The following YWHAZ variants were observed in gnomAD, a reference collection of about 807,000 sequenced individuals.
YWHAZ encodes the protein 14-3-3 protein zeta/delta.
For missense variants in YWHAZ, 79 were observed against 284.8 expected, an observed-to-expected ratio of 0.28 and a Z score of 5.20; for synonymous variants, 87 against 103.6, an observed-to-expected ratio of 0.84 and a Z score of 0.97.
At chr8:100,950,632 G>A in intron 1 of YWHAZ, 1 of 971,076 alleles carries the variant, frequency 1.0e-6, no homozygotes. Context: ...AGAGGGAGGA[G>A]CAGCCCGCGC....
rs1164247156 is a variant in YWHAZ at position 100,918,953 on chromosome 8, G to A, written c.*1740C>T. The A allele has an allele frequency of 1.3e-5, 2 of 152,548 alleles. No homozygotes were observed. Among genetic ancestry groups the A allele is most frequent in the African/African-American group, 4.8e-5 (2 of 41,416 alleles). The allele number at this position is 152,548 out of a possible 1,614,324, so 9.4% of individuals were successfully genotyped here. ...CATTATTTAGAGAATAGAGGAGGAA[G>A]AAAGAGGAAGGATTTTAAAGGCAGA... On this transcript the variant is annotated 3_prime_UTR_variant, in exon 6 of 6. Transcript: ENST00000395958.
At position 100,924,895 on chromosome 8, in the gene YWHAZ, A is replaced by G; in HGVS notation, c.418+21T>C. 1 of 1,611,282 alleles carries G rather than the reference A, an allele frequency of 6.2e-7. No homozygotes were observed. Among genetic ancestry groups the G allele is most frequent in the Non-Finnish European group, 8.5e-7 (1 of 1,179,520 alleles). On this transcript the variant is annotated intron_variant, in intron 3 of 5. Transcript: ENST00000395958. The surrounding 1 kb of genome is among the most constrained non-coding windows in gnomAD (Gnocchi z 5.7). ...ATGTTATCTTATACAAGTTCAACCA[A>G]CAGGTTTAAAAACAGCATACCTTTC...
At chr8:100,952,163 G>T (rs1040234822), upstream of YWHAZ, 6 of 985,024 alleles carry the variant, frequency 6.1e-6, no homozygotes, top group East Asian at 4.6e-4. Context: ...CACAGCGATC[G>T]GGGCCCCGCG....
chr8:100,939,437 A>G (rs1348643221), intron 2 of YWHAZ, among the ~76,000 whole-genome samples: 1 of 152,110 alleles, frequency 6.6e-6, no homozygotes, highest in Non-Finnish European at 1.5e-5. Flanking sequence ...AGGCGGGTGG[A>G]TCATCTGAGG....
In YWHAZ at chr8:100,925,025, C is replaced by A; in HGVS notation, c.309G>T (p.Lys103Asn). Reference protein sequence around the residue: ...ICNDVLSLLEKFLIPNASQAE... With the variant: ...ICNDVLSLLENFLIPNASQAE... ...CTTGTGAAGCATTGGGGATCAAGAA[C>A]TTTTCCAAAAGAGACTTAAGAAGAA... The change falls in exon 3 of 6, where the codon AAG becomes AAT. Residue 103 changes from lysine (K) to asparagine (N), a missense_variant. By Grantham distance (94) the Lys-to-Asn change is moderately conservative (BLOSUM62 0). Transcript: ENST00000395958. The A allele has an allele frequency of 6.2e-7, 1 of 1,613,210 alleles. No homozygotes were observed. Among genetic ancestry groups the A allele is most frequent in the Non-Finnish European group, 8.5e-7 (1 of 1,179,732 alleles).
Position 100,916,551 on chromosome 8 carries a change from A to C in YWHAZ, c.*4142T>G, listed in dbSNP as rs1054575827. Reference sequence around the variant, plus strand: ...CCAAAGCAAACATCCAATGTTAGAAAATGTAAGCACAAACTGAAAATTCAT... The same window carrying C: ...CCAAAGCAAACATCCAATGTTAGAACATGTAAGCACAAACTGAAAATTCAT... On this transcript the variant is annotated 3_prime_UTR_variant, in exon 6 of 6. Coordinates refer to ENST00000395958, the MANE Select transcript of YWHAZ (RefSeq NM_145690.3). The C allele has an allele frequency of 1.3e-5, 2 of 152,272 alleles. No individual in the cohort carries two copies. The highest frequency in any genetic ancestry group is 2.9e-5 in the Non-Finnish European group (2 of 68,048). The allele number at this position is 152,272 out of a possible 1,614,324, so 9.4% of individuals were successfully genotyped here. A position where few individuals can be genotyped will look rare whatever the true frequency, so the allele number is the denominator to read the frequency against.
intron 2 of YWHAZ, among the ~76,000 whole-genome samples, chr8:100,927,746 T>C (rs893993089): frequency 6.6e-6 from 1 of 152,242 alleles, no homozygotes; most frequent in Non-Finnish European, 1.5e-5. Flanking sequence ...AGGTAGTAAC[T>C]TTCTACCTGG....
At chr8:100,950,611 C>A (rs972748815) in intron 1 of YWHAZ, 4 of 985,734 alleles carry the variant, frequency 4.1e-6, no homozygotes, top group Non-Finnish European at 4.8e-6. Context: ...TTCCTCCCCC[C>A]GACCGGAGCC....
chr8:100,931,165 C>A (rs6996921), intron 2 of YWHAZ, among the ~76,000 whole-genome samples: 17,527 of 152,190 alleles, frequency 0.12, 2,201 homozygotes, highest in African/African-American at 0.31. Flanking sequence ...TCCTCCCAAG[C>A]CAGTTTCCAA....
In YWHAZ at chr8:100,936,143, A is replaced by C. The variant is rs145263980; in HGVS notation, c.295-11104T>G. Among the ~76,000 whole-genome samples, 1,452 of 152,290 alleles carry C rather than the reference A, an allele frequency of 9.5e-3. 21 individuals carry two copies. The highest frequency in any genetic ancestry group is 0.032 in the African/African-American group (1,327 of 41,548). On this transcript the variant is annotated intron_variant, in intron 2 of 5. Coordinates refer to ENST00000395958, the MANE Select transcript of YWHAZ (RefSeq NM_145690.3). ...TTGGGCTTGCCAACTAGAACACAAG[A>C]AGCCAACTAATGAAAATAAATTCGA...
chr8:100,938,712 C>A (rs546199235), intron 2 of YWHAZ, among the ~76,000 whole-genome samples: 1 of 152,336 alleles, frequency 6.6e-6, no homozygotes, highest in South Asian at 2.1e-4. Context: ...AGCCCATAAT[C>A]TGTCACACAT....
chr8:100,947,989 G>A, intron 2 of YWHAZ: 1 of 974,452 alleles, frequency 1.0e-6, no homozygotes, highest in Non-Finnish European at 1.5e-6. Context: ...AGTAAGTACT[G>A]AATACTTAAA....
At chr8:100,950,584 C>T in intron 1 of YWHAZ, 1 of 985,600 alleles carries the variant, frequency 1.0e-6, no homozygotes, top group Non-Finnish European at 1.2e-6. Context: ...GGAGCCCAAC[C>T]TACTGCAGAG....
chr8:100,939,238 T>TA (rs1174620985), intron 2 of YWHAZ, among the ~76,000 whole-genome samples: 1 of 152,166 alleles, frequency 6.6e-6, no homozygotes, highest in Non-Finnish European at 1.5e-5. Context: ...TTTTTTTTTT[T>TA]AATCAACTGG....
At chr8:100,949,028 G>A in intron 1 of YWHAZ, 128 bp from the exon 2 acceptor site, 1 of 1,121,400 alleles carries the variant, frequency 8.9e-7, no homozygotes, top group African/African-American at 1.6e-5. Flanking sequence ...GTTCACATGA[G>A]GAATTAAAAT....
intron 2 of YWHAZ, among the ~76,000 whole-genome samples, chr8:100,940,195 C>G (rs1419533583): frequency 6.6e-6 from 1 of 152,174 alleles, no homozygotes; most frequent in African/African-American, 2.4e-5. Flanking sequence ...CTCCCCTCCC[C>G]CAGGATCTAG....
At chr8:100,931,873 CAA>C (rs141926481) in intron 2 of YWHAZ, among the ~76,000 whole-genome samples, 168 of 151,388 alleles carry the variant, frequency 1.1e-3, no homozygotes, top group African/African-American at 3.8e-3. Flanking sequence ...AAGTAGGATG[CAA>C]AAAAGTTTTC....
intron 2 of YWHAZ, among the ~76,000 whole-genome samples, chr8:100,935,915 C>A (rs1194812338): frequency 6.6e-6 from 1 of 152,212 alleles, no homozygotes; most frequent in African/African-American, 2.4e-5. Flanking sequence ...CCCACCCCAC[C>A]ACTATCCCTT....
chr8:100,923,079 G>T (rs1453523176), intron 5 of YWHAZ: 2 of 152,122 alleles, frequency 1.3e-5, no homozygotes, highest in Non-Finnish European at 2.9e-5. Context: ...CTGGTTTATA[G>T]AAAATGGCAG....
Sources: gnomAD v4.1 joint callset for allele counts (sites outside exome capture counted in the v4.1 genomes callset) on GRCh38, gnomAD v4.1.1 for gene constraint, Gnocchi (gnomAD v3.1) non-coding constraint, MANE v1.5 for transcripts, NCBI Gene and HGNC (gene_info 2026-07-23, HGNC 2026-07-21) for gene names.